Variants in PCNX2 observed in about 807,000 individuals in gnomAD.
PCNX2 encodes the protein pecanex-like protein 2.
PCNX2 carries 168 observed loss-of-function variants against 223.8 expected under a neutral mutation model. The observed-to-expected ratio is 0.75, with a 90% CI of 0.66 to 0.85. PCNX2 has a LOEUF of 0.85. Ranked by LOEUF, PCNX2 falls within the 40% of genes least tolerant of loss-of-function variation. The pLI is 0.00. For synonymous variants in PCNX2, 1,006 were observed against 1,052.6 expected, an observed-to-expected ratio of 0.96 and a Z score of 0.86; for missense variants, 2,507 against 2,675.5, an observed-to-expected ratio of 0.94 and a Z score of 1.39.
chr1:233,229,347 GT>G (rs1312802473), intron 9 of PCNX2, among the ~76,000 whole-genome samples: 2 of 152,212 alleles, frequency 1.3e-5, no homozygotes, highest in Admixed American at 6.5e-5. Flanking sequence ...GAGATTGTAA[GT>G]GCTACTTGTG....
At chr1:233,046,944 G>A (rs146654711) in intron 25 of PCNX2, among the ~76,000 whole-genome samples, 1 of 152,308 alleles carries the variant, frequency 6.6e-6, no homozygotes, top group African/African-American at 2.4e-5. Flanking sequence ...ATGACATGGT[G>A]CCTGTCCAGG....
intron 28 of PCNX2, among the ~76,000 whole-genome samples, chr1:233,003,933 G>A (rs1670183884): frequency 6.6e-6 from 1 of 152,140 alleles, no homozygotes; most frequent in East Asian, 1.9e-4. Flanking sequence ...GTTCTCACTC[G>A]TAAGTGGGAC....
At position 233,261,329 on chromosome 1, in the gene PCNX2, A is replaced by G; in HGVS notation, c.481-8T>C. 6.2e-7 allele frequency: 1 copy of G among 1,612,322 alleles called. No individual in the cohort carries two copies. The highest frequency in any genetic ancestry group is 8.5e-7 in the Non-Finnish European group (1 of 1,178,796). Reference sequence around the variant, plus strand: ...TTCCTGTGCTGACAACTCCTACACAAATGAAAGAAACAAAAATCAATAGAT... The same window carrying G: ...TTCCTGTGCTGACAACTCCTACACAGATGAAAGAAACAAAAATCAATAGAT... On this transcript the variant is annotated splice_polypyrimidine_tract_variant and splice_region_variant and intron_variant, in intron 3 of 33. Coordinates refer to ENST00000258229, the MANE Select transcript of PCNX2 (RefSeq NM_014801.4).
At chr1:233,298,404 G>A (rs1381308522), upstream of PCNX2, among the ~76,000 whole-genome samples, 1 of 152,188 alleles carries the variant, frequency 6.6e-6, no homozygotes, top group Non-Finnish European at 1.5e-5. Flanking sequence ...GAGGATTAAA[G>A]ATGATAAAGT....
intron 25 of PCNX2, among the ~76,000 whole-genome samples, chr1:233,030,796 A>G (rs1211211880): frequency 1.3e-5 from 2 of 152,240 alleles, no homozygotes; most frequent in South Asian, 2.1e-4. Context: ...CTTTATTTAT[A>G]TCATGTCATT....
chr1:233,038,767 A>G (rs1671543779), intron 25 of PCNX2, among the ~76,000 whole-genome samples: 2 of 152,236 alleles, frequency 1.3e-5, no homozygotes, highest in Admixed American at 6.5e-5. Flanking sequence ...TTAGCCAGCT[A>G]TGATAAAGGT....
At chr1:233,115,997 A>G (rs1441251083) in intron 21 of PCNX2, among the ~76,000 whole-genome samples, 1 of 152,234 alleles carries the variant, frequency 6.6e-6, no homozygotes, top group African/African-American at 2.4e-5. Context: ...TGATATCATT[A>G]TCAAATAAAC....
chr1:233,016,868 CT>C, intron 27 of PCNX2, 52 bp downstream of exon 27: 1 of 1,575,638 alleles, frequency 6.3e-7, no homozygotes, highest in East Asian at 2.3e-5. Context: ...TGACAATGTT[CT>C]TTATTTATTA....
At chr1:233,147,206 G>A (rs1008502410) in intron 19 of PCNX2, among the ~76,000 whole-genome samples, 6 of 152,094 alleles carry the variant, frequency 3.9e-5, no homozygotes, top group East Asian at 1.9e-4. Flanking sequence ...CGAATTTAAC[G>A]TTGACTCCCC....
At chr1:233,295,854 TTTTCTTTCTCTCTTTCTCTTTTTCTCTC>T (rs1169901557), upstream of PCNX2, 2 of 221,416 alleles carry the variant, frequency 9.0e-6, no homozygotes, top group East Asian at 9.7e-5. The surrounding 1 kb of genome is among the most constrained non-coding windows in gnomAD (Gnocchi z 4.1). Context: ...GCCTCCAGCC[TTTTCTTTCTCTCTTTCTCTTTTTCTCTC>T]TTTCTTTCTC....
intron 21 of PCNX2, among the ~76,000 whole-genome samples, chr1:233,104,145 C>A (rs77095946): frequency 0.021 from 3,264 of 152,134 alleles, 36 homozygotes; most frequent in East Asian, 0.044. Context: ...GAAAAAGCAT[C>A]ATGAACATAA....
chr1:233,118,226 G>A (rs541445808), intron 21 of PCNX2, among the ~76,000 whole-genome samples: 12 of 151,848 alleles, frequency 7.9e-5, no homozygotes, highest in Admixed American at 2.6e-4. Context: ...GAATAGAAGG[G>A]GAACTTTCTC....
At chr1:232,986,565 G>T in intron 32 of PCNX2, 25 bp from the exon 33 acceptor site, 1 of 1,479,306 alleles carries the variant, frequency 6.8e-7, no homozygotes, top group Non-Finnish European at 9.0e-7. Flanking sequence ...AGAACACAGA[G>T]TTGTAGCGGG....
At position 233,254,410 on chromosome 1, in the gene PCNX2, T is replaced by C. The variant is rs139347934; in HGVS notation, c.1835-1622A>G. Among the ~76,000 whole-genome samples, 114 of 152,350 alleles carry C rather than the reference T, an allele frequency of 7.5e-4. 1 individual carries two copies. In the East Asian group the frequency reaches 0.014, roughly 19 times the overall value. On this transcript the variant is annotated intron_variant, in intron 5 of 33. Coordinates refer to ENST00000258229, the MANE Select transcript of PCNX2 (RefSeq NM_014801.4). ...TTGACACAGCTCTCCTGCTTTACACTAAGTGTCTTTGAATTCATTTGTTCA... is the reference window on the plus strand; with the variant it reads ...TTGACACAGCTCTCCTGCTTTACACCAAGTGTCTTTGAATTCATTTGTTCA...
At chr1:233,095,074 T>C (rs1037234709) in intron 22 of PCNX2, among the ~76,000 whole-genome samples, 1 of 152,222 alleles carries the variant, frequency 6.6e-6, no homozygotes, top group Non-Finnish European at 1.5e-5. Flanking sequence ...AGAGTATTTT[T>C]AAAGCAATTT....
At chr1:233,103,050 T>C (rs1006934336) in intron 21 of PCNX2, among the ~76,000 whole-genome samples, 7 of 152,138 alleles carry the variant, frequency 4.6e-5, no homozygotes, top group Admixed American at 2.0e-4. Context: ...GTTTTGTGTA[T>C]GGTGAGAGAT....
chr1:232,989,379 A>G (rs531498764), intron 32 of PCNX2, among the ~76,000 whole-genome samples: 10 of 151,970 alleles, frequency 6.6e-5, no homozygotes, highest in Admixed American at 3.9e-4. Context: ...GCGTGAACCC[A>G]GGAGGCGGAG....
chr1:233,327,297 G>A, the PCNX2 span, among the ~76,000 whole-genome samples: 1 of 151,826 alleles, frequency 6.6e-6, no homozygotes, highest in Non-Finnish European at 1.5e-5. Context: ...CCCAGACCAT[G>A]TGGGCGCGGC....
intron 10 of PCNX2, among the ~76,000 whole-genome samples, chr1:233,223,642 G>A (rs1380564431): frequency 6.6e-6 from 1 of 152,068 alleles, no homozygotes; most frequent in Non-Finnish European, 1.5e-5. Context: ...GCCCCGGTGT[G>A]TGATGTTTGC....
Sources: gnomAD v4.1 joint callset for allele counts (sites outside exome capture counted in the v4.1 genomes callset) on GRCh38, gnomAD v4.1.1 for gene constraint, Gnocchi (gnomAD v3.1) non-coding constraint, MANE v1.5 for transcripts, NCBI Gene and HGNC (gene_info 2026-07-23, HGNC 2026-07-21) for gene names.